The following ATP10B variants were observed in gnomAD, a reference collection of about 807,000 sequenced individuals.
The protein encoded by ATP10B is phospholipid-transporting ATPase VB.
ATP10B carries 122 observed loss-of-function variants against 141.2 expected under a neutral mutation model. The observed-to-expected ratio is 0.86, with a 90% CI of 0.75 to 1.00. The LOEUF is 1.00. ATP10B is among the 50% of genes least tolerant of loss of function. The probability of loss-of-function intolerance (pLI) is 0.00; values close to 1 mark genes in which losing one functional copy is unlikely to be tolerated. For synonymous variants in ATP10B, 685 were observed against 692.0 expected, an observed-to-expected ratio of 0.99 and a Z score of 0.16; for missense variants, 1,876 against 1,825.3, an observed-to-expected ratio of 1.03 and a Z score of -0.51.
chr5:160,652,948 ATATAT>A (rs1318011807), intron 7 of ATP10B, among the ~76,000 whole-genome samples: 4 of 89,536 alleles, frequency 4.5e-5, no homozygotes, highest in Admixed American at 1.7e-4. Context: ...TGTATATATA[ATATAT>A]TATATATACA....
rs1163801387 is a variant in ATP10B at position 160,652,890 on chromosome 5, TATATA to T, written c.676-3639_676-3635del. Among the ~76,000 whole-genome samples the T allele has an allele frequency of 3.9e-3, 256 of 65,132 alleles. 1 individual carries two copies. Among genetic ancestry groups the T allele is most frequent in the South Asian group, 7.0e-3 (15 of 2,148 alleles). 42.7% of individuals were successfully genotyped at this position (65,132 alleles called of 152,430 possible). On this transcript the variant is annotated intron_variant, in intron 7 of 25. Coordinates refer to ENST00000327245, the MANE Select transcript of ATP10B (RefSeq NM_025153.3). ...ATAATATATATAATATATATATAAT[TATATA>T]ATATATTATATATACATGTATATAT...
chr5:160,572,149 G>A (rs1754913930), intron 24 of ATP10B, among the ~76,000 whole-genome samples: 2 of 151,838 alleles, frequency 1.3e-5, no homozygotes, highest in Non-Finnish European at 2.9e-5. Context: ...CTGAGGTTTG[G>A]TCATTGCTTT....
At chr5:160,907,928 C>A in the ATP10B span, among the ~76,000 whole-genome samples, 1 of 152,204 alleles carries the variant, frequency 6.6e-6, no homozygotes, top group Non-Finnish European at 1.5e-5. Flanking sequence ...CCTCCTCCAT[C>A]TCTCATACTC....
intron 2 of ATP10B, among the ~76,000 whole-genome samples, chr5:160,719,122 C>CG (rs1765834107): frequency 6.6e-6 from 1 of 152,116 alleles, no homozygotes; most frequent in South Asian, 2.1e-4. Flanking sequence ...TAATGGCGGC[C>CG]GGGCACGGTG....
At chr5:160,880,733 A>T in the ATP10B span, among the ~76,000 whole-genome samples, 1 of 152,208 alleles carries the variant, frequency 6.6e-6, no homozygotes, top group African/African-American at 2.4e-5. Context: ...GAACAACTGG[A>T]CATTCACATG....
At chr5:160,856,319 G>T (rs1424503674), upstream of ATP10B, among the ~76,000 whole-genome samples, 2 of 151,652 alleles carry the variant, frequency 1.3e-5, no homozygotes, top group South Asian at 2.1e-4. Flanking sequence ...GTTCTGGCTG[G>T]TATACCAAAA....
rs145363979 is a variant in ATP10B, at chr5:160,826,691, G to T, written c.-576+25250C>A. Among the ~76,000 whole-genome samples, 916 of 152,170 alleles carry T rather than the reference G, an allele frequency of 6.0e-3. 13 individuals carry two copies. Among genetic ancestry groups the T allele is most frequent in the African/African-American group, 0.021 (872 of 41,520 alleles). ...TAAATGGACATGCAAGTAGGAGAGA[G>T]ATCACTAAATTCTTTTCCTAGCAAG... is the stretch of plus-strand genomic sequence containing the variant. On this transcript the variant is annotated intron_variant, in intron 1 of 25. Coordinates refer to ENST00000327245, the MANE Select transcript of ATP10B (RefSeq NM_025153.3).
intron 1 of ATP10B, among the ~76,000 whole-genome samples, chr5:160,848,216 T>C (rs1438343392): frequency 1.3e-5 from 2 of 152,154 alleles, no homozygotes; most frequent in African/African-American, 4.8e-5. Flanking sequence ...GAAATGCTAT[T>C]GAGAAGGCCA....
intron 13 of ATP10B, among the ~76,000 whole-genome samples, chr5:160,626,797 C>T (rs575679208): frequency 1.6e-4 from 25 of 152,334 alleles, no homozygotes; most frequent in Middle Eastern, 3.4e-3. Context: ...TCATTCCTTT[C>T]TGGCTGGGAT....
At chr5:160,761,488 T>A (rs34089539) in intron 2 of ATP10B, among the ~76,000 whole-genome samples, 47,881 of 151,956 alleles carry the variant, frequency 0.32, 7,893 homozygotes, top group Non-Finnish European at 0.36. Flanking sequence ...GCAATAACAA[T>A]CACTGCAGTC....
chr5:160,674,350 A>T (rs550139455), intron 6 of ATP10B, among the ~76,000 whole-genome samples: 5 of 152,314 alleles, frequency 3.3e-5, no homozygotes, highest in Middle Eastern at 3.4e-3. Flanking sequence ...ATGGAGTGCT[A>T]TGGAGAGGAG....
chr5:160,818,881 C>T (rs546776608), intron 1 of ATP10B, among the ~76,000 whole-genome samples: 59 of 152,246 alleles, frequency 3.9e-4, no homozygotes, highest in African/African-American at 1.4e-3. Flanking sequence ...CCATCATTCT[C>T]AGCAAACTAT....
intron 7 of ATP10B, among the ~76,000 whole-genome samples, chr5:160,654,312 G>A (rs1761323522): frequency 6.6e-6 from 1 of 151,910 alleles, no homozygotes; most frequent in African/African-American, 2.4e-5. Flanking sequence ...TCCCTTGTGA[G>A]ACGGTGTAAT....
At chr5:160,823,663 T>C (rs1774345742) in intron 1 of ATP10B, among the ~76,000 whole-genome samples, 2 of 152,158 alleles carry the variant, frequency 1.3e-5, no homozygotes, top group South Asian at 4.1e-4. Flanking sequence ...GAGACCATCC[T>C]GGCTACTAAA....
intron 2 of ATP10B, among the ~76,000 whole-genome samples, chr5:160,749,044 A>T (rs1335886658): frequency 6.6e-6 from 1 of 152,204 alleles, no homozygotes; most frequent in Non-Finnish European, 1.5e-5. Context: ...ACCACAACCT[A>T]GTAAATGTCA....
chr5:160,626,586 G>T (rs1758624746), intron 13 of ATP10B, among the ~76,000 whole-genome samples: 1 of 152,152 alleles, frequency 6.6e-6, no homozygotes, highest in Non-Finnish European at 1.5e-5. Flanking sequence ...ACCCTTTAAC[G>T]CTATGCCAAC....
chr5:160,894,657 G>T, the ATP10B span, among the ~76,000 whole-genome samples: 1 of 152,104 alleles, frequency 6.6e-6, no homozygotes, highest in African/African-American at 2.4e-5. Flanking sequence ...GAACTTCCCT[G>T]ACCTAGCAAG....
the ATP10B span, among the ~76,000 whole-genome samples, chr5:160,916,189 T>A: frequency 6.6e-6 from 1 of 152,224 alleles, no homozygotes; most frequent in Non-Finnish European, 1.5e-5. Flanking sequence ...AAAGCAGCTA[T>A]GGAATCCAAG....
intron 20 of ATP10B, chr5:160,603,732 G>A: frequency 2.0e-6 from 1 of 512,672 alleles, no homozygotes; most frequent in Non-Finnish European, 3.5e-6. Context: ...GTTTAAATGG[G>A]AAAATTTAGC....
Sources: gnomAD v4.1 joint callset for allele counts (sites outside exome capture counted in the v4.1 genomes callset) on GRCh38, gnomAD v4.1.1 for gene constraint, MANE v1.5 for transcripts, NCBI Gene and HGNC (gene_info 2026-07-23, HGNC 2026-07-21) for gene names.